The following LUZP2 variants were observed in gnomAD, a reference collection of about 807,000 sequenced individuals.
LUZP2 encodes leucine zipper protein 2.
In LUZP2, 52 loss-of-function variants were observed where a neutral mutation model predicts 51.6. The ratio of observed to expected loss-of-function variants is 1.01; its 90% CI spans 0.81 to 1.27. LUZP2 has a LOEUF of 1.27. Ranked by LOEUF, LUZP2 falls within the 50% of genes most tolerant of loss-of-function variation. The pLI, the probability that LUZP2 is intolerant of heterozygous loss-of-function variation, is 0.00. For synonymous variants in LUZP2, 154 were observed against 137.3 expected, an observed-to-expected ratio of 1.12 and a Z score of -0.85; for missense variants, 436 against 395.4, an observed-to-expected ratio of 1.10 and a Z score of -0.87.
chr11:24,925,036 C>G (rs914953191), intron 7 of LUZP2, among the ~76,000 whole-genome samples: 1 of 152,094 alleles, frequency 6.6e-6, no homozygotes, highest in Non-Finnish European at 1.5e-5. Flanking sequence ...GAAAAGGATT[C>G]TTTACAGAAT....
chr11:25,043,332 A>G lies in LUZP2; in HGVS notation c.766-6706A>G, dbSNP rs184200676. 2.4e-3 allele frequency among the ~76,000 whole-genome samples: 359 copies of G among 152,170 alleles called. 2 individuals carry two copies. The highest frequency in any genetic ancestry group is 8.2e-3 in the African/African-American group (341 of 41,504). On this transcript the variant is annotated intron_variant, in intron 9 of 11. Coordinates refer to ENST00000336930, the MANE Select transcript of LUZP2 (RefSeq NM_001009909.4). ...CACATTCTACCATTTAGCCCAGTAC[A>G]GTGGTCAATCTTTTTTTAATCCACA...
At chr11:25,039,189 G>T (rs778257762) in intron 9 of LUZP2, among the ~76,000 whole-genome samples, 1 of 152,138 alleles carries the variant, frequency 6.6e-6, no homozygotes, top group Admixed American at 6.6e-5. Flanking sequence ...TTGGGGATTG[G>T]ACCTGAACTA....
chr11:25,075,348 T>G (rs913349086), intron 10 of LUZP2, among the ~76,000 whole-genome samples: 1 of 152,216 alleles, frequency 6.6e-6, no homozygotes, highest in Non-Finnish European at 1.5e-5. Context: ...GAAGAACCAA[T>G]TGTGTATAAA....
chr11:24,808,145 T>A (rs1849908152), intron 5 of LUZP2, among the ~76,000 whole-genome samples: 1 of 152,192 alleles, frequency 6.6e-6, no homozygotes, highest in African/African-American at 2.4e-5. Context: ...CAAGATTACT[T>A]CCAATTTTAA....
chr11:24,762,674 C>G (rs747843900), intron 4 of LUZP2, among the ~76,000 whole-genome samples: 1 of 152,036 alleles, frequency 6.6e-6, no homozygotes, highest in Admixed American at 6.6e-5. Flanking sequence ...CCATTTTTTA[C>G]AAAGCACTCG....
At chr11:24,976,323 G>A (rs1368438909) in intron 7 of LUZP2, among the ~76,000 whole-genome samples, 1 of 151,846 alleles carries the variant, frequency 6.6e-6, no homozygotes, top group Non-Finnish European at 1.5e-5. Context: ...CTTGAGTTGG[G>A]TCCTTGAAAT....
intron 5 of LUZP2, among the ~76,000 whole-genome samples, chr11:24,808,467 T>A (rs768297157): frequency 6.6e-6 from 1 of 152,204 alleles, no homozygotes; most frequent in African/African-American, 2.4e-5. Flanking sequence ...TCTCTGCCAA[T>A]CTGTAGAATT....
chr11:24,912,463 G>A (rs181579252), intron 6 of LUZP2, among the ~76,000 whole-genome samples: 1 of 152,030 alleles, frequency 6.6e-6, no homozygotes, highest in African/African-American at 2.4e-5. Flanking sequence ...AAAAATTATT[G>A]TGCCATTATA....
At chr11:24,982,409 C>T (rs1423204288) in intron 8 of LUZP2, among the ~76,000 whole-genome samples, 1 of 151,802 alleles carries the variant, frequency 6.6e-6, no homozygotes, top group African/African-American at 2.4e-5. Flanking sequence ...ACATATACAC[C>T]ATGGAATAGT....
intron 5 of LUZP2, among the ~76,000 whole-genome samples, chr11:24,859,456 G>A (rs973520835): frequency 1.6e-4 from 25 of 152,126 alleles, no homozygotes; most frequent in African/African-American, 6.0e-4. Flanking sequence ...TTTTAAAAAT[G>A]GAGTAAATAT....
chr11:24,497,609 C>T (rs947965144), intron 1 of LUZP2, among the ~76,000 whole-genome samples: 1 of 152,090 alleles, frequency 6.6e-6, no homozygotes. Context: ...AGGTAACACG[C>T]GGTAAAAGAA....
intron 1 of LUZP2, among the ~76,000 whole-genome samples, chr11:24,619,393 G>A (rs1187152404): frequency 6.6e-6 from 1 of 152,082 alleles, no homozygotes; most frequent in Non-Finnish European, 1.5e-5. Context: ...TGCTGTACTA[G>A]ACTCCCAAAT....
At chr11:24,586,826 C>T (rs1590211137) in intron 1 of LUZP2, among the ~76,000 whole-genome samples, 1 of 151,868 alleles carries the variant, frequency 6.6e-6, no homozygotes, top group South Asian at 2.1e-4. Context: ...TTTTTGGGGC[C>T]TATGATTTTT....
chr11:24,897,451 G>A (rs568377471), intron 5 of LUZP2, among the ~76,000 whole-genome samples: 281 of 152,196 alleles, frequency 1.8e-3, no homozygotes, highest in African/African-American at 5.3e-3. Flanking sequence ...TGAGGCCAGC[G>A]AAACCATGAA....
intron 1 of LUZP2, among the ~76,000 whole-genome samples, chr11:24,559,136 T>C (rs1276550302): frequency 6.6e-6 from 1 of 152,152 alleles, no homozygotes; most frequent in East Asian, 1.9e-4. Flanking sequence ...ATGTATGGAA[T>C]TGAAATGTAT....
intron 4 of LUZP2, among the ~76,000 whole-genome samples, chr11:24,746,252 G>A (rs1859375659): frequency 1.3e-5 from 2 of 152,072 alleles, no homozygotes; most frequent in African/African-American, 4.8e-5. Context: ...GCTTGGTAGT[G>A]GCGAATTCAC....
At chr11:24,501,711 T>A (rs1408221402) in intron 1 of LUZP2, among the ~76,000 whole-genome samples, 1 of 152,196 alleles carries the variant, frequency 6.6e-6, no homozygotes, top group African/African-American at 2.4e-5. Context: ...AGTAAGAATG[T>A]GCCTGCTATC....
chr11:24,600,949 C>G (rs1258429068), intron 1 of LUZP2, among the ~76,000 whole-genome samples: 1 of 152,058 alleles, frequency 6.6e-6, no homozygotes, highest in Non-Finnish European at 1.5e-5. Context: ...AATAGCAAAA[C>G]AGACTTCACA....
intron 1 of LUZP2, among the ~76,000 whole-genome samples, chr11:24,499,856 C>A (rs1849938439): frequency 6.6e-6 from 1 of 152,046 alleles, no homozygotes; most frequent in Non-Finnish European, 1.5e-5. Flanking sequence ...GTCTGAAGTT[C>A]AGTTCTATTT....
Sources: gnomAD v4.1 joint callset for allele counts (sites outside exome capture counted in the v4.1 genomes callset) on GRCh38, gnomAD v4.1.1 for gene constraint, MANE v1.5 for transcripts, NCBI Gene and HGNC (gene_info 2026-07-23, HGNC 2026-07-21) for gene names.